The following AGBL4 variants were observed in gnomAD, a reference collection of about 807,000 sequenced individuals.
The protein encoded by AGBL4 is AGBL carboxypeptidase 4.
Under a neutral mutation model 66.4 loss-of-function variants are expected in AGBL4, and 58 were observed. That is an observed-to-expected ratio of 0.87 (90% CI 0.71 to 1.09). The LOEUF is 1.09. AGBL4 is among the 50% of genes least tolerant of loss of function. The probability of loss-of-function intolerance (pLI) is 0.00; values close to 1 mark genes in which losing one functional copy is unlikely to be tolerated. For missense variants in AGBL4, 579 were observed against 631.0 expected (o/e 0.92, Z 0.88); for synonymous variants, 234 against 222.9 (o/e 1.05, Z -0.44).
chr1:49,480,269 C>CT (rs1646929646), intron 3 of AGBL4, among the ~76,000 whole-genome samples: 2 of 152,016 alleles, frequency 1.3e-5, no homozygotes, highest in South Asian at 2.1e-4. Context: ...TGAAAGTATT[C>CT]TTTTTTCCCC....
intron 5 of AGBL4, among the ~76,000 whole-genome samples, chr1:48,909,802 A>G (rs1478907695): frequency 6.6e-6 from 1 of 152,236 alleles, no homozygotes; most frequent in Admixed American, 6.5e-5. Context: ...TCAATTTCTT[A>G]TTGAGAAGGA....
chr1:48,714,136 C>T (rs1026908451), intron 6 of AGBL4, among the ~76,000 whole-genome samples: 5 of 152,192 alleles, frequency 3.3e-5, no homozygotes, highest in African/African-American at 1.2e-4. Flanking sequence ...GAGGCCCTCA[C>T]TTCATAGGCC....
rs143971514 is a variant in AGBL4 at position 48,843,838 on chromosome 1, T to G, written c.634+23353A>C. 3.0e-4 allele frequency among the ~76,000 whole-genome samples: 45 copies of G among 152,274 alleles called. No homozygotes were observed. The East Asian group carries it at 8.5e-3, about 29-fold the overall frequency. On this transcript the variant is annotated intron_variant, in intron 6 of 13. Transcript: ENST00000371839. The stretch of plus-strand genomic sequence containing the variant: ...ATAGAACTGGAACTTCCCTCCATGC[T>G]GAGAACTTTTCTCTCTCAACAGAAT...
chr1:48,768,388 G>A (rs1179480485), intron 6 of AGBL4, among the ~76,000 whole-genome samples: 3 of 152,034 alleles, frequency 2.0e-5, no homozygotes, highest in African/African-American at 7.2e-5. Flanking sequence ...GCCACAAAGA[G>A]CTTTCTTGTA....
chr1:49,857,713 A>G (rs903769288), intron 1 of AGBL4, among the ~76,000 whole-genome samples: 1 of 152,182 alleles, frequency 6.6e-6, no homozygotes, highest in Non-Finnish European at 1.5e-5. Flanking sequence ...CTCACCATAT[A>G]CAAAAATCAA....
chr1:48,921,796 C>T (rs1299801165), intron 5 of AGBL4, among the ~76,000 whole-genome samples: 2 of 152,172 alleles, frequency 1.3e-5, no homozygotes, highest in African/African-American at 2.4e-5. Context: ...AACTCAGATC[C>T]GTCTGGCTTC....
At chr1:48,825,980 T>C (rs1558021361) in intron 6 of AGBL4, among the ~76,000 whole-genome samples, 1 of 152,198 alleles carries the variant, frequency 6.6e-6, no homozygotes, top group Non-Finnish European at 1.5e-5. Flanking sequence ...TCTGCTTGTC[T>C]AGGACCTTCA....
At chr1:48,563,081 A>G (rs1004059563) in intron 11 of AGBL4, among the ~76,000 whole-genome samples, 11 of 152,158 alleles carry the variant, frequency 7.2e-5, no homozygotes, top group African/African-American at 2.2e-4. Flanking sequence ...TCTTAGAATA[A>G]CCCCTTTGCC....
At chr1:48,662,097 T>C (rs1047609213) in intron 7 of AGBL4, among the ~76,000 whole-genome samples, 1 of 152,200 alleles carries the variant, frequency 6.6e-6, no homozygotes, top group African/African-American at 2.4e-5. Context: ...TAAAGCATTG[T>C]AAGAATACGA....
chr1:49,805,810 G>A (rs534152404), intron 2 of AGBL4, among the ~76,000 whole-genome samples: 195 of 152,292 alleles, frequency 1.3e-3, no homozygotes, highest in Non-Finnish European at 2.5e-3. Flanking sequence ...AGGACACAGC[G>A]AGAAGGCACA....
intron 3 of AGBL4, among the ~76,000 whole-genome samples, chr1:49,322,546 A>C (rs1339663951): frequency 6.6e-6 from 1 of 152,236 alleles, no homozygotes; most frequent in Non-Finnish European, 1.5e-5. Flanking sequence ...ATCATCTTAG[A>C]TTATCCAGTG....
At chr1:49,965,040 C>A (rs1284419340) in intron 1 of AGBL4, among the ~76,000 whole-genome samples, 2 of 152,188 alleles carry the variant, frequency 1.3e-5, no homozygotes, top group African/African-American at 4.8e-5. Flanking sequence ...TCAAAACCCA[C>A]GTGAGTACAT....
chr1:49,347,666 C>T (rs1467047936), intron 3 of AGBL4, among the ~76,000 whole-genome samples: 9 of 150,766 alleles, frequency 6.0e-5, no homozygotes, highest in South Asian at 2.1e-4. Flanking sequence ...GAGACCATCC[C>T]GGCCAACATG....
intron 3 of AGBL4, among the ~76,000 whole-genome samples, chr1:49,305,532 TC>T (rs372921278): frequency 7.2e-5 from 11 of 152,306 alleles, no homozygotes; most frequent in African/African-American, 2.6e-4. Flanking sequence ...TTGAAAAAAA[TC>T]CATATATAAG....
intron 3 of AGBL4, among the ~76,000 whole-genome samples, chr1:49,333,897 G>A (rs551512296): frequency 6.6e-6 from 1 of 152,196 alleles, no homozygotes; most frequent in South Asian, 2.1e-4. Flanking sequence ...CATAAAATCT[G>A]CCCCCAGAGA....
rs547271055 is a variant in AGBL4, at chr1:48,559,687, G to A, written c.1268-19949C>T. Among the ~76,000 whole-genome samples the A allele has an allele frequency of 3.3e-5, 5 of 152,202 alleles. No individual in the cohort carries two copies. The East Asian group carries it at 9.7e-4, about 29-fold the overall frequency. Reference sequence around the variant, plus strand: ...AGAGAATGAAGATCTAATAAGATCGGAAATTTTAGACCCTCGAATGTTCTT... The same window carrying A: ...AGAGAATGAAGATCTAATAAGATCGAAAATTTTAGACCCTCGAATGTTCTT... On this transcript the variant is annotated intron_variant, in intron 11 of 13. Coordinates refer to ENST00000371839, the MANE Select transcript of AGBL4 (RefSeq NM_032785.4).
At chr1:49,479,499 C>G (rs542698081) in intron 3 of AGBL4, among the ~76,000 whole-genome samples, 1 of 151,928 alleles carries the variant, frequency 6.6e-6, no homozygotes, top group East Asian at 1.9e-4. Flanking sequence ...TTGTTCCCCT[C>G]TATGTGTCTG....
At chr1:49,222,282 TA>T (rs761596903) in intron 4 of AGBL4, among the ~76,000 whole-genome samples, 199 of 136,926 alleles carry the variant, frequency 1.5e-3, no homozygotes, top group Admixed American at 2.4e-3. Context: ...GAATACAACT[TA>T]AAAAAAAAAA....
chr1:48,804,577 C>T (rs1403752469), intron 6 of AGBL4, among the ~76,000 whole-genome samples: 3 of 152,158 alleles, frequency 2.0e-5, no homozygotes, highest in African/African-American at 7.2e-5. Flanking sequence ...TAAGAGGCAG[C>T]ATCTGATAAA....
Sources: allele counts gnomAD v4.1 joint callset (sites outside exome capture counted in the v4.1 genomes callset), GRCh38; gene constraint gnomAD v4.1.1; transcripts MANE v1.5; gene names NCBI Gene and HGNC (gene_info 2026-07-23, HGNC 2026-07-21).